Variants in MICAL2 observed in about 807,000 individuals in gnomAD.
MICAL2 encodes the protein [F-actin]-monooxygenase MICAL2.
In MICAL2, 77 loss-of-function variants were observed where a neutral mutation model predicts 127.3. The observed-to-expected ratio is 0.60, with a 90% CI of 0.50 to 0.73. The LOEUF (loss-of-function observed/expected upper bound fraction) is 0.73, where lower values mean the gene tolerates loss of function less well. MICAL2 is among the 30% of genes least tolerant of loss of function. The pLI, the probability that MICAL2 is intolerant of heterozygous loss-of-function variation, is 0.00. For synonymous variants in MICAL2, 570 were observed against 551.1 expected (o/e 1.03, Z -0.48); for missense variants, 1,351 against 1,434.4 (o/e 0.94, Z 0.94).
intron 21 of MICAL2, among the ~76,000 whole-genome samples, chr11:12,245,401 C>T (rs983723286): frequency 6.6e-6 from 1 of 152,240 alleles, no homozygotes; most frequent in Non-Finnish European, 1.5e-5. Context: ...GAAGCTGCCC[C>T]TTGGTGTGTA....
At chr11:12,155,509 C>T (rs191692396) in intron 2 of MICAL2, among the ~76,000 whole-genome samples, 12 of 152,114 alleles carry the variant, frequency 7.9e-5, no homozygotes, top group African/African-American at 1.7e-4. Flanking sequence ...CGTACACATA[C>T]GCATATACAC....
intron 3 of MICAL2, among the ~76,000 whole-genome samples, chr11:12,200,851 C>A (rs554132466): frequency 6.6e-6 from 1 of 152,366 alleles, no homozygotes; most frequent in South Asian, 2.1e-4. Flanking sequence ...GTCCAGGGAG[C>A]AGTACTGGGT....
intron 3 of MICAL2, among the ~76,000 whole-genome samples, chr11:12,165,747 G>A (rs1320009990): frequency 1.3e-5 from 2 of 152,248 alleles, no homozygotes; most frequent in Non-Finnish European, 2.9e-5. Flanking sequence ...AGTGGTGAGA[G>A]ATTGGGGACC....
chr11:12,167,349 TG>T (rs1434885105), intron 3 of MICAL2, among the ~76,000 whole-genome samples: 1 of 152,168 alleles, frequency 6.6e-6, no homozygotes, highest in Non-Finnish European at 1.5e-5. Context: ...CTTTTGCTCC[TG>T]GGCCCCTCCC....
At chr11:12,130,922 C>A (rs1851360013) in intron 1 of MICAL2, among the ~76,000 whole-genome samples, 1 of 152,212 alleles carries the variant, frequency 6.6e-6, no homozygotes, top group African/African-American at 2.4e-5. Context: ...GCACCTGGAA[C>A]TGCTTCTCAG....
chr11:12,289,556 GTTTTTTTTTGTTTT>G (rs1170668302), downstream of MICAL2, among the ~76,000 whole-genome samples: 1 of 39,216 alleles, frequency 2.5e-5, no homozygotes, highest in East Asian at 4.5e-4. Context: ...GGCACCTCTT[GTTTTTTTTTGTTTT>G]TTTTTTTTTT....
intron 2 of MICAL2, among the ~76,000 whole-genome samples, chr11:12,285,419 C>G (rs1036486547): frequency 6.6e-6 from 1 of 152,158 alleles, no homozygotes; most frequent in Non-Finnish European, 1.5e-5. Context: ...GCAGTCTTGT[C>G]CCCAGGCAGG....
At chr11:12,172,823 C>T (rs1856430479) in intron 3 of MICAL2, among the ~76,000 whole-genome samples, 1 of 152,056 alleles carries the variant, frequency 6.6e-6, no homozygotes. Context: ...TCCCGAGGCC[C>T]CGCCCCATCC....
chr11:12,259,809 G>A lies in MICAL2; in HGVS notation c.3246G>A (p.Trp1082Ter), dbSNP rs1437537839. The change falls in exon 26 of 28, where the codon TGG (tryptophan) becomes TGA (stop). Residue 1082 changes from tryptophan (W) to a stop codon, truncating the protein, a stop_gained. Coordinates refer to ENST00000683283, the MANE Select transcript of MICAL2 (RefSeq NM_001282663.2). LOFTEE classifies it high-confidence loss of function. ...CTCTTTCTCAGGAGGAGGCAACATGGCAAGAGCAGGAAGCCCCTCGGAGAG... is the reference window on the plus strand; with the variant it reads ...CTCTTTCTCAGGAGGAGGCAACATGACAAGAGCAGGAAGCCCCTCGGAGAG... ...LKQQREEEAT[W>*]QEQEAPRRDT... is the part of the protein sequence containing the mutation. The A allele has an allele frequency of 6.4e-7, 1 of 1,550,536 alleles. No homozygotes were observed. The highest frequency in any genetic ancestry group is 8.7e-7 in the Non-Finnish European group (1 of 1,145,832).
At chr11:12,114,219 A>AT (rs948714968) in intron 1 of MICAL2, among the ~76,000 whole-genome samples, 4 of 152,168 alleles carry the variant, frequency 2.6e-5, no homozygotes, top group Non-Finnish European at 5.9e-5. Flanking sequence ...TTCCTGAGAT[A>AT]TTTTAAAGCA....
chr11:12,327,363 T>A, intron 32 of MICAL2: 1 of 963,702 alleles, frequency 1.0e-6, no homozygotes, highest in South Asian at 1.7e-5. Context: ...CTGCTGGAGA[T>A]CTGTCAGCAT....
At chr11:12,155,898 C>T (rs1188086197) in intron 2 of MICAL2, among the ~76,000 whole-genome samples, 2 of 152,220 alleles carry the variant, frequency 1.3e-5, no homozygotes, top group African/African-American at 2.4e-5. Flanking sequence ...AGGGTGGGCA[C>T]TGCCTCATTG....
intron 29 of MICAL2, among the ~76,000 whole-genome samples, chr11:12,319,303 C>T (rs538308067): frequency 5.9e-5 from 9 of 152,166 alleles, no homozygotes; most frequent in East Asian, 5.8e-4. Flanking sequence ...GCAGAACGAA[C>T]CTTACACAAG....
downstream of MICAL2, among the ~76,000 whole-genome samples, chr11:12,289,246 C>T (rs1863863209): frequency 7.2e-5 from 11 of 152,234 alleles, no homozygotes; most frequent in Admixed American, 7.2e-4. Flanking sequence ...ACAAAACAAC[C>T]CTAAGGGCCA....
rs1299942167 is a variant in MICAL2 at position 12,298,054 on chromosome 11, A to C, written c.5212+3197A>C. On this transcript the variant is annotated intron_variant, in intron 29 of 34. Coordinates refer to the MICAL2 transcript ENST00000646065. Reference sequence around the variant, plus strand: ...GAACTTAGTATAAGCTTGTCTATCTACCAAAAAAAAAGTCCTGTGAATACT... The same window carrying C: ...GAACTTAGTATAAGCTTGTCTATCTCCCAAAAAAAAAGTCCTGTGAATACT... 2.0e-5 allele frequency among the ~76,000 whole-genome samples: 3 copies of C among 151,838 alleles called. No individual in the cohort carries two copies. The East Asian group carries it at 5.8e-4, about 29-fold the overall frequency.
chr11:12,232,065 G>A (rs934100954), intron 15 of MICAL2, among the ~76,000 whole-genome samples: 1 of 152,250 alleles, frequency 6.6e-6, no homozygotes, highest in African/African-American at 2.4e-5. Context: ...AAGATGAGGT[G>A]ATCAAATGCG....
chr11:12,282,698 T>C (rs1029769122), intron 2 of MICAL2, among the ~76,000 whole-genome samples: 6 of 152,318 alleles, frequency 3.9e-5, no homozygotes, highest in Non-Finnish European at 7.3e-5. Flanking sequence ...AAAACATATA[T>C]TGGTTTGCAG....
At chr11:12,151,039 A>G (rs1853521334) in intron 2 of MICAL2, among the ~76,000 whole-genome samples, 1 of 152,120 alleles carries the variant, frequency 6.6e-6, no homozygotes, top group African/African-American at 2.4e-5. Flanking sequence ...GACTTGCTCA[A>G]AGGAGTACTT....
chr11:12,199,525 C>T (rs946755776), intron 3 of MICAL2, among the ~76,000 whole-genome samples: 7 of 152,178 alleles, frequency 4.6e-5, no homozygotes, highest in Non-Finnish European at 7.3e-5. Flanking sequence ...TTGGTCCCCT[C>T]GGCATCTCCC....
Sources: gnomAD v4.1 joint callset for allele counts (sites outside exome capture counted in the v4.1 genomes callset) on GRCh38, gnomAD v4.1.1 for gene constraint, MANE v1.5 for transcripts, NCBI Gene and HGNC (gene_info 2026-07-23, HGNC 2026-07-21) for gene names.